PITPNB: variants seen among roughly 807,000 people sequenced by gnomAD.
PITPNB encodes phosphatidylinositol transfer protein beta, also known as phosphatidylinositol transfer protein beta isoform.
In PITPNB, 16 loss-of-function variants were observed where a neutral mutation model predicts 45.9. The ratio of observed to expected loss-of-function variants is 0.35; its 90% confidence interval spans 0.24 to 0.53. The LOEUF is 0.53. Among genes scored for constraint, PITPNB ranks in the 20% least tolerant of loss-of-function variants. The pLI is 0.93. For synonymous variants in PITPNB, 112 were observed against 108.9 expected (o/e 1.03, Z -0.18); for missense variants, 188 against 330.5 (o/e 0.57, Z 3.34).
chr22:27,917,388 T>C (rs532678806), intron 1 of PITPNB, among the ~76,000 whole-genome samples: 20 of 152,350 alleles, frequency 1.3e-4, no homozygotes, highest in Non-Finnish European at 1.9e-4. Context: ...TGCAACTCAC[T>C]TGCTGTGTAA....
intron 1 of PITPNB, among the ~76,000 whole-genome samples, chr22:27,915,660 T>C (rs1362164959): frequency 6.6e-6 from 1 of 152,184 alleles, no homozygotes; most frequent in Non-Finnish European, 1.5e-5. Flanking sequence ...AAATCCACAA[T>C]GGTCACTAAT....
intron 7 of PITPNB, among the ~76,000 whole-genome samples, chr22:27,880,701 C>T (rs907775845): frequency 6.6e-6 from 1 of 152,024 alleles, no homozygotes; most frequent in African/African-American, 2.4e-5. Flanking sequence ...CGGCTCACTA[C>T]AACCTCCGCC....
chr22:27,876,097 G>A (rs117352474), intron 7 of PITPNB, among the ~76,000 whole-genome samples: 1 of 152,286 alleles, frequency 6.6e-6, no homozygotes, highest in East Asian at 1.9e-4. Context: ...TAAAACCACA[G>A]TCTGACGAGG....
At position 27,873,879 on chromosome 22, in the gene PITPNB, G is replaced by C; in HGVS notation, c.457-64C>G. ...CAGAGAATATTCTTTAACCGTGCCA[G>C]AATAGCTCTTCGCAGCTACCAAAAC... is the stretch of plus-strand genomic sequence containing the variant. On this transcript the variant is annotated intron_variant, in intron 7 of 11. Coordinates refer to ENST00000335272, the MANE Select transcript of PITPNB (RefSeq NM_012399.5). 4.7e-6 allele frequency: 5 copies of C among 1,056,606 alleles called. No individual in the cohort carries two copies. In the South Asian group the frequency reaches 6.4e-5, roughly 13 times the overall value. 65.5% of individuals were successfully genotyped at this position (1,056,606 alleles called of 1,614,324 possible).
intron 8 of PITPNB, among the ~76,000 whole-genome samples, chr22:27,869,195 C>T (rs1450404510): frequency 1.3e-5 from 2 of 152,138 alleles, no homozygotes; most frequent in Non-Finnish European, 1.5e-5. Flanking sequence ...GGTTATAAAT[C>T]GCTTTCCTAT....
chr22:27,854,138 CT>C (rs1259214447), intron 11 of PITPNB, among the ~76,000 whole-genome samples: 4 of 151,788 alleles, frequency 2.6e-5, no homozygotes, highest in African/African-American at 9.7e-5. Flanking sequence ...ATCTCGTTCT[CT>C]TTATAATAAA....
chr22:27,893,795 T>C (rs1233954205), intron 7 of PITPNB, among the ~76,000 whole-genome samples: 11 of 152,070 alleles, frequency 7.2e-5, no homozygotes, highest in African/African-American at 2.4e-4. Flanking sequence ...CTCACTATGT[T>C]GTCCAGGCTG....
chr22:27,916,001 A>C (rs762099779), intron 1 of PITPNB, among the ~76,000 whole-genome samples: 4 of 152,170 alleles, frequency 2.6e-5, no homozygotes, highest in Non-Finnish European at 5.9e-5. Context: ...TTGGGAGGCT[A>C]GGCAAGAACT....
At chr22:27,892,442 C>T (rs1034913393) in intron 7 of PITPNB, among the ~76,000 whole-genome samples, 3 of 152,294 alleles carry the variant, frequency 2.0e-5, no homozygotes, top group East Asian at 3.9e-4. Context: ...CTGAGTCAGT[C>T]GAGCCATTTT....
intron 8 of PITPNB, among the ~76,000 whole-genome samples, chr22:27,868,413 G>A (rs1934547814): frequency 6.6e-6 from 1 of 152,150 alleles, no homozygotes; most frequent in African/African-American, 2.4e-5. Flanking sequence ...CTGACACCAA[G>A]GGTACCAACA....
At chr22:27,903,938 A>G (rs1361014457) in intron 3 of PITPNB, among the ~76,000 whole-genome samples, 1 of 152,204 alleles carries the variant, frequency 6.6e-6, no homozygotes, top group Non-Finnish European at 1.5e-5. Flanking sequence ...AACCACAATG[A>G]GATACCACTT....
chr22:27,867,797 C>T (rs1223931207), intron 8 of PITPNB, among the ~76,000 whole-genome samples: 3 of 152,188 alleles, frequency 2.0e-5, no homozygotes, highest in Admixed American at 2.0e-4. Flanking sequence ...CTGAATCCTT[C>T]AACTCTGTCT....
rs535749767 is a variant in PITPNB, at chr22:27,882,269, A to G, written c.457-8454T>C. ...TTAAACAATATACACCCATGGTTTAAAACAATTAAGAAGTGTCAGATTGCT... is the reference window on the plus strand; with the variant it reads ...TTAAACAATATACACCCATGGTTTAGAACAATTAAGAAGTGTCAGATTGCT... On this transcript the variant is annotated intron_variant, in intron 7 of 11. Coordinates refer to ENST00000335272, the MANE Select transcript of PITPNB (RefSeq NM_012399.5). Among the ~76,000 whole-genome samples, 7 of 152,352 alleles carry G rather than the reference A, an allele frequency of 4.6e-5. No homozygotes were observed. The East Asian group carries it at 9.6e-4, about 21-fold the overall frequency.
chr22:27,908,231 C>T (rs967345238), intron 3 of PITPNB, among the ~76,000 whole-genome samples: 1 of 147,320 alleles, frequency 6.8e-6, no homozygotes, highest in Admixed American at 6.7e-5. Context: ...ATATTTATCA[C>T]CTGGTAGTGG....
intron 7 of PITPNB, among the ~76,000 whole-genome samples, chr22:27,890,781 T>G (rs1469379225): frequency 6.6e-6 from 1 of 152,124 alleles, no homozygotes; most frequent in Non-Finnish European, 1.5e-5. Flanking sequence ...GCCACTGCAC[T>G]CCAGCCTGGG....
At chr22:27,901,190 C>G (rs1367444846) in intron 3 of PITPNB, among the ~76,000 whole-genome samples, 1 of 152,188 alleles carries the variant, frequency 6.6e-6, no homozygotes, top group Admixed American at 6.5e-5. Flanking sequence ...CATGAAGACT[C>G]TTCAGGAATA....
chr22:27,901,531 T>C (rs1935593503), intron 3 of PITPNB, among the ~76,000 whole-genome samples: 2 of 152,140 alleles, frequency 1.3e-5, no homozygotes, highest in African/African-American at 4.8e-5. Flanking sequence ...ATCCCCTAAA[T>C]ACACTGTGAT....
chr22:27,898,409 TTGTGTG>T (rs1013159265), intron 3 of PITPNB, among the ~76,000 whole-genome samples: 4 of 150,802 alleles, frequency 2.7e-5, no homozygotes, highest in Non-Finnish European at 5.9e-5. Context: ...ATAAAAGGTT[TTGTGTG>T]TGTGTGTGTG....
chr22:27,900,844 T>C (rs1935571347), intron 3 of PITPNB, among the ~76,000 whole-genome samples: 1 of 152,232 alleles, frequency 6.6e-6, no homozygotes, highest in South Asian at 2.1e-4. Context: ...ATTCCTCATT[T>C]GGAAGCTTAG....
Sources: allele counts gnomAD v4.1 joint callset (sites outside exome capture counted in the v4.1 genomes callset), GRCh38; gene constraint gnomAD v4.1.1; transcripts MANE v1.5; gene names NCBI Gene and HGNC (gene_info 2026-07-23, HGNC 2026-07-21).